Variants in PRKG2 observed in about 807,000 individuals in gnomAD.
PRKG2 encodes the protein protein kinase cGMP-dependent 2.
PRKG2 carries 33 observed loss-of-function variants against 97.2 expected under a neutral mutation model. The observed-to-expected ratio is 0.34, with a 90% CI of 0.26 to 0.45. The LOEUF (loss-of-function observed/expected upper bound fraction) is 0.45. Ranked by LOEUF, PRKG2 falls within the 20% of genes least tolerant of loss-of-function variation. PRKG2 has a pLI of 1.00. For missense variants in PRKG2, 638 were observed against 900.0 expected, an observed-to-expected ratio of 0.71 and a Z score of 3.73; for synonymous variants, 330 against 321.8, an observed-to-expected ratio of 1.03 and a Z score of -0.27.
At chr4:81,099,437 T>C (rs1337681577) in intron 17 of PRKG2, among the ~76,000 whole-genome samples, 3 of 152,222 alleles carry the variant, frequency 2.0e-5, no homozygotes, top group East Asian at 1.9e-4. Flanking sequence ...TAATCCAGCA[T>C]ATAAACAGAA....
intron 8 of PRKG2, 119 bp downstream of exon 8, chr4:81,151,841 A>G (rs1443886162): frequency 2.1e-5 from 15 of 721,304 alleles, no homozygotes; most frequent in Non-Finnish European, 3.0e-5. Context: ...CAAAATATTT[A>G]ATATTAGGAT....
At chr4:81,096,819 C>T (rs1459081601) in intron 17 of PRKG2, among the ~76,000 whole-genome samples, 1 of 152,186 alleles carries the variant, frequency 6.6e-6, no homozygotes, top group East Asian at 1.9e-4. Flanking sequence ...TCTAACACAT[C>T]TGCATTTACT....
intron 12 of PRKG2, 142 bp from the exon 13 acceptor site, chr4:81,137,624 C>T (rs936261272): frequency 1.1e-5 from 7 of 637,162 alleles, no homozygotes; most frequent in Middle Eastern, 8.1e-4. Flanking sequence ...CTGGGCTTCT[C>T]GCCAAATCCT....
intron 15 of PRKG2, among the ~76,000 whole-genome samples, chr4:81,109,495 T>C (rs1039918768): frequency 3.9e-5 from 6 of 152,234 alleles, no homozygotes; most frequent in African/African-American, 1.2e-4. Flanking sequence ...TGTATGCCCA[T>C]GCATTGTATC....
chr4:81,157,625 C>G (rs1287464756), intron 6 of PRKG2, among the ~76,000 whole-genome samples: 11 of 151,878 alleles, frequency 7.2e-5, no homozygotes, highest in Admixed American at 5.9e-4. Flanking sequence ...GAGACACAAC[C>G]AAAAAAGAGA....
chr4:81,155,380 A>G (rs1278229719), intron 6 of PRKG2, among the ~76,000 whole-genome samples: 1 of 152,076 alleles, frequency 6.6e-6, no homozygotes, highest in African/African-American at 2.4e-5. Context: ...AGTTTAGAGA[A>G]AAAAGATAAA....
At chr4:81,166,326 A>C (rs1749984188) in intron 6 of PRKG2, among the ~76,000 whole-genome samples, 1 of 151,854 alleles carries the variant, frequency 6.6e-6, no homozygotes, top group Non-Finnish European at 1.5e-5. Flanking sequence ...TTTTCCTCCC[A>C]CTGAGAACAG....
At chr4:81,192,686 T>G (rs991563591) in intron 2 of PRKG2, among the ~76,000 whole-genome samples, 1 of 152,134 alleles carries the variant, frequency 6.6e-6, no homozygotes, top group Admixed American at 6.6e-5. Flanking sequence ...ATGGTAGTCA[T>G]AGTAGCTGGA....
chr4:81,214,423 C>T (rs1355442773), intron 1 of PRKG2, among the ~76,000 whole-genome samples: 1 of 151,846 alleles, frequency 6.6e-6, no homozygotes, highest in African/African-American at 2.4e-5. Context: ...TCTTCATCAC[C>T]GAGAAATACA....
chr4:81,200,216 T>C (rs1024570362), intron 2 of PRKG2, among the ~76,000 whole-genome samples: 6 of 152,218 alleles, frequency 3.9e-5, no homozygotes, highest in African/African-American at 1.4e-4. Flanking sequence ...GCAGAAATGC[T>C]ATGTGAGCTC....
At chr4:81,093,406 A>ACACACACACACACAC (rs1560528537) in intron 17 of PRKG2, among the ~76,000 whole-genome samples, 2 of 120,096 alleles carry the variant, frequency 1.7e-5, no homozygotes, top group African/African-American at 7.1e-5. Context: ...CACACACACA[A>ACACACACACACACAC]GCTTCTTATC....
chr4:81,169,575 A>G (rs1750279670), intron 5 of PRKG2, 88 bp downstream of exon 5: 1 of 953,152 alleles, frequency 1.0e-6, no homozygotes, highest in South Asian at 1.6e-5. Flanking sequence ...GGAAGTAGCT[A>G]TAGTTGAATA....
In PRKG2 at chr4:81,140,623, C is replaced by G; in HGVS notation, c.1454G>C (p.Arg485Thr). 1 of 1,611,420 alleles carries G rather than the reference C, an allele frequency of 6.2e-7. No individual in the cohort carries two copies. The highest frequency in any genetic ancestry group is 2.2e-5 in the East Asian group (1 of 44,794). The change falls in exon 12 of 19, where the codon AGG becomes ACG. Residue 485 changes from arginine (R) to threonine (T), a missense_variant. Around this residue, in one of 3 missense-constraint regions of PRKG2, gnomAD observed 304 missense variants for 460.5 expected, o/e 0.66. Transcript: ENST00000264399. Reference sequence around the variant, plus strand: ...CTTGGTGTCAACTATGTGCTTCTTCCTTATACACTTCATAGCAAAAGCAAC... The same window carrying G: ...CTTGGTGTCAACTATGTGCTTCTTCGTTATACACTTCATAGCAAAAGCAAC... ...ENVAFAMKCIRKKHIVDTKQQ... is the reference protein window; with the variant it reads ...ENVAFAMKCITKKHIVDTKQQ...
intron 14 of PRKG2, among the ~76,000 whole-genome samples, chr4:81,113,037 G>A (rs533235368): frequency 3.3e-5 from 5 of 152,232 alleles, no homozygotes; most frequent in South Asian, 4.2e-4. Flanking sequence ...GCATCCGAGC[G>A]GCAGTCGTGC....
rs542924402 is a variant in PRKG2, at chr4:81,196,656, C to A, written c.461+7931G>T. Among the ~76,000 whole-genome samples the A allele has an allele frequency of 2.0e-5, 3 of 151,944 alleles. No individual in the cohort carries two copies. The South Asian group carries it at 6.2e-4, about 32-fold the overall frequency. ...AATTGATTTGGCATCACAAATAACCCAAGAAGGATTAAACAGATGTTGGGG... is the reference window on the plus strand; with the variant it reads ...AATTGATTTGGCATCACAAATAACCAAAGAAGGATTAAACAGATGTTGGGG... On this transcript the variant is annotated intron_variant, in intron 2 of 18. Transcript: ENST00000264399.
chr4:81,133,048 G>A (rs187326258), intron 14 of PRKG2, among the ~76,000 whole-genome samples: 17 of 152,124 alleles, frequency 1.1e-4, no homozygotes, highest in Admixed American at 4.6e-4. Context: ...TGTGTCCTGA[G>A]TTGAGAGTAT....
chr4:81,137,192 T>C (rs1239349497), intron 13 of PRKG2, among the ~76,000 whole-genome samples: 1 of 152,178 alleles, frequency 6.6e-6, no homozygotes, highest in Non-Finnish European at 1.5e-5. Context: ...CTTTACTTCC[T>C]AAAACAGAGA....
At chr4:81,203,287 C>T (rs942041321) in intron 2 of PRKG2, among the ~76,000 whole-genome samples, 1 of 151,750 alleles carries the variant, frequency 6.6e-6, no homozygotes, top group African/African-American at 2.4e-5. Context: ...TGCTGAAATC[C>T]AATATTAATC....
chr4:81,156,035 A>G (rs1291352168), intron 6 of PRKG2, among the ~76,000 whole-genome samples: 1 of 152,160 alleles, frequency 6.6e-6, no homozygotes, highest in East Asian at 1.9e-4. Flanking sequence ...CGAGCAAAAT[A>G]ACCAGCTAAC....
Sources: allele counts gnomAD v4.1 joint callset (sites outside exome capture counted in the v4.1 genomes callset), GRCh38; gene constraint gnomAD v4.1.1; regional missense constraint gnomAD v4.1.1; transcripts MANE v1.5; gene names NCBI Gene and HGNC (gene_info 2026-07-23, HGNC 2026-07-21).